Variants in ZFHX3 observed in about 807,000 individuals in gnomAD.
ZFHX3 encodes the protein zinc finger homeobox protein 3.
Under a neutral mutation model 279.1 loss-of-function variants are expected in ZFHX3, and 42 were observed. The observed-to-expected ratio is 0.15, with a 90% CI of 0.12 to 0.19. ZFHX3 has a LOEUF of 0.19. Ranked by LOEUF, ZFHX3 falls within the 10% of genes least tolerant of loss-of-function variation. The pLI, the probability that ZFHX3 is intolerant of heterozygous loss-of-function variation, is 1.00. For missense variants in ZFHX3, 4,981 were observed against 4,754.0 expected (o/e 1.05, Z -1.40); for synonymous variants, 2,293 against 1,957.8 (o/e 1.17, Z -4.52).
rs1234989917 is a variant in ZFHX3, at chr16:72,788,519, G to T, written c.9757C>A (p.Pro3253Thr). Residue 3253 changes from proline to threonine, a missense_variant, in exon 10 of 10, where the codon CCC becomes ACC. Pro to Thr is a conservative substitution (Grantham distance 38, BLOSUM62 -1). Coordinates refer to ENST00000268489, the MANE Select transcript of ZFHX3 (RefSeq NM_006885.4). The part of the protein sequence containing the change: ...KEKAHKGKGE[P>T]LPVPKKEKGE... ...TTCTCCTTCTTGGGGACAGGCAGGGGTTCCCCTTTCCCTTTGTGTGCCTTT... is the reference window on the plus strand; with the variant it reads ...TTCTCCTTCTTGGGGACAGGCAGGGTTTCCCCTTTCCCTTTGTGTGCCTTT... The T allele has an allele frequency of 1.9e-6, 3 of 1,614,192 alleles. No homozygotes were observed. The highest frequency in any genetic ancestry group is 2.5e-6 in the Non-Finnish European group (3 of 1,180,038).
chr16:73,739,393 T>C (rs1486279221), intron 1 of ZFHX3, among the ~76,000 whole-genome samples: 1 of 152,166 alleles, frequency 6.6e-6, no homozygotes, highest in Non-Finnish European at 1.5e-5. Flanking sequence ...TTACGAGTTA[T>C]TTAGCAGCAT....
At chr16:72,982,190 A>G (rs564539638) in intron 1 of ZFHX3, among the ~76,000 whole-genome samples, 18 of 152,280 alleles carry the variant, frequency 1.2e-4, no homozygotes, top group African/African-American at 3.8e-4. Flanking sequence ...GCCTTTCTAC[A>G]CATTTTCAAA....
intron 4 of ZFHX3, among the ~76,000 whole-genome samples, chr16:72,864,044 G>C (rs546974850): frequency 8.3e-4 from 126 of 152,122 alleles, no homozygotes; most frequent in Non-Finnish European, 1.4e-3. Flanking sequence ...GTGAACCCGG[G>C]AGGCAGAGCT....
At chr16:73,565,382 C>T (rs536247959) in intron 2 of ZFHX3, among the ~76,000 whole-genome samples, 17 of 152,236 alleles carry the variant, frequency 1.1e-4, no homozygotes, top group African/African-American at 3.1e-4. Context: ...AAGAAAACCC[C>T]GATGAATTCT....
rs552610099 is a variant in ZFHX3, at chr16:73,782,620, C to T, written c.-1607-102380G>A. Among the ~76,000 whole-genome samples the T allele has an allele frequency of 4.6e-5, 7 of 152,230 alleles. No homozygotes were observed. In the East Asian group the frequency reaches 1.2e-3, roughly 25 times the overall value. On this transcript the variant is annotated intron_variant, in intron 1 of 17. Transcript: ENST00000641206. Reference sequence around the variant, plus strand: ...ATCTGTGGCTCCCCTTGTGGTTAGACGAGGCCAAACGAATAGGTCTGAAAA... The same window carrying T: ...ATCTGTGGCTCCCCTTGTGGTTAGATGAGGCCAAACGAATAGGTCTGAAAA...
At chr16:73,396,485 A>G (rs571802723) in intron 3 of ZFHX3, among the ~76,000 whole-genome samples, 62 of 152,288 alleles carry the variant, frequency 4.1e-4, no homozygotes, top group African/African-American at 1.4e-3. Context: ...TCACACTGCT[A>G]TGAAGAACTG....
At chr16:73,799,139 G>C (rs1315636508) in intron 1 of ZFHX3, among the ~76,000 whole-genome samples, 1 of 152,154 alleles carries the variant, frequency 6.6e-6, no homozygotes, top group East Asian at 1.9e-4. Flanking sequence ...GCACCAATGA[G>C]GTGATAGAGG....
rs781381553 is a variant in ZFHX3 at position 72,797,872 on chromosome 16, C to T, written c.4810G>A (p.Ala1604Thr). ...KPFKCNTCNV[A>T]YSQSSTLEIH... ...TCCAGAGTGGAACTCTGGCTGTAGG[C>T]CACATTACAAGTGTTACACTTAAAA... is the stretch of plus-strand genomic sequence containing the variant. Residue 1604 changes from alanine to threonine, a missense_variant, in exon 9 of 10, where the codon GCC (alanine) becomes ACC (threonine). Physicochemically the swap from Ala to Thr is moderately conservative, Grantham distance 58. This residue lies in a region of ZFHX3 where 1,751 missense variants were observed against 1,770.0 expected (regional missense o/e 0.99). Coordinates refer to ENST00000268489, the MANE Select transcript of ZFHX3 (RefSeq NM_006885.4). 6.2e-7 allele frequency: 1 copy of T among 1,614,118 alleles called. No homozygotes were observed. Among genetic ancestry groups the T allele is most frequent in the South Asian group, 1.1e-5 (1 of 91,078 alleles).
At chr16:73,095,976 CT>C (rs2144783089) in intron 7 of ZFHX3, among the ~76,000 whole-genome samples, 1 of 152,260 alleles carries the variant, frequency 6.6e-6, no homozygotes, top group South Asian at 2.1e-4. Flanking sequence ...GCCTTGAAAT[CT>C]GAATAAAAGC....
intron 3 of ZFHX3, among the ~76,000 whole-genome samples, chr16:73,348,877 G>A (rs2016170162): frequency 6.6e-6 from 1 of 152,186 alleles, no homozygotes; most frequent in Non-Finnish European, 1.5e-5. Flanking sequence ...GCCTATGTAG[G>A]GAATCAGATA....
chr16:73,756,238 A>C (rs2053807853), intron 1 of ZFHX3, among the ~76,000 whole-genome samples: 1 of 152,238 alleles, frequency 6.6e-6, no homozygotes, highest in African/African-American at 2.4e-5. Context: ...CCCTCAAAGC[A>C]AAAAGAATAA....
At position 72,888,852 on chromosome 16, in the gene ZFHX3, C is replaced by T. The variant is rs369509821; in HGVS notation, c.3448+879G>A. ...ATAGAGGTGAGCAGTTCACAGGGTTCTCTCAAGAATCTGGAAGATTCTGTT... is the reference window on the plus strand; with the variant it reads ...ATAGAGGTGAGCAGTTCACAGGGTTTTCTCAAGAATCTGGAAGATTCTGTT... On this transcript the variant is annotated intron_variant, in intron 4 of 9. Coordinates refer to ENST00000268489, the MANE Select transcript of ZFHX3 (RefSeq NM_006885.4). Among the ~76,000 whole-genome samples the T allele has an allele frequency of 4.2e-4, 64 of 152,260 alleles. 1 individual carries two copies. The highest frequency in any genetic ancestry group is 1.4e-3 in the African/African-American group (60 of 41,540).
chr16:73,383,733 A>G (rs946961419), intron 3 of ZFHX3, among the ~76,000 whole-genome samples: 1 of 152,180 alleles, frequency 6.6e-6, no homozygotes, highest in African/African-American at 2.4e-5. Context: ...TCACAGCTGC[A>G]TCCGGCCAAA....
intron 4 of ZFHX3, among the ~76,000 whole-genome samples, chr16:72,865,907 G>A (rs1419082638): frequency 6.6e-6 from 1 of 152,168 alleles, no homozygotes; most frequent in Non-Finnish European, 1.5e-5. Flanking sequence ...TGGAGGAAAC[G>A]CCATGCTGAA....
intron 2 of ZFHX3, among the ~76,000 whole-genome samples, chr16:73,516,807 A>C (rs909397502): frequency 7.2e-5 from 11 of 152,182 alleles, no homozygotes; most frequent in African/African-American, 2.4e-4. Flanking sequence ...CACAGAGAGT[A>C]TGTGCTGAAT....
intron 2 of ZFHX3, among the ~76,000 whole-genome samples, chr16:73,533,813 A>G (rs2019848489): frequency 6.6e-6 from 1 of 152,110 alleles, no homozygotes; most frequent in Non-Finnish European, 1.5e-5. Flanking sequence ...CTTCTAACCC[A>G]TCAGGAAATC....
chr16:73,844,522 T>C (rs780297716), intron 1 of ZFHX3, among the ~76,000 whole-genome samples: 2 of 152,136 alleles, frequency 1.3e-5, no homozygotes, highest in Non-Finnish European at 1.5e-5. Flanking sequence ...TTAATCCTTA[T>C]AACAGTCTTC....
intron 1 of ZFHX3, among the ~76,000 whole-genome samples, chr16:73,837,702 G>C (rs548750108): frequency 2.0e-5 from 3 of 152,294 alleles, no homozygotes; most frequent in Admixed American, 2.0e-4. Flanking sequence ...GCAATGGCGC[G>C]ATCTCGGCTC....
chr16:73,445,007 G>A (rs1419337394), intron 3 of ZFHX3, among the ~76,000 whole-genome samples: 3 of 149,172 alleles, frequency 2.0e-5, no homozygotes, highest in African/African-American at 7.4e-5. Context: ...TGGTGACAGG[G>A]GCCTATAGTC....
Sources: allele counts gnomAD v4.1 joint callset (sites outside exome capture counted in the v4.1 genomes callset), GRCh38; gene constraint gnomAD v4.1.1; regional missense constraint gnomAD v4.1.1; transcripts MANE v1.5; gene names NCBI Gene and HGNC (gene_info 2026-07-23, HGNC 2026-07-21).